Variants in NFIB observed in about 807,000 individuals in gnomAD.
NFIB encodes the protein nuclear factor 1 B-type.
In NFIB, 11 loss-of-function variants were observed where a neutral mutation model predicts 61.5. That is an observed-to-expected ratio of 0.18 (90% CI 0.11 to 0.30). The LOEUF is 0.30. Among genes scored for constraint, NFIB ranks in the 10% least tolerant of loss-of-function variants. The pLI, the probability that NFIB is intolerant of heterozygous loss-of-function variation, is 1.00. For synonymous variants in NFIB, 260 were observed against 216.5 expected, an observed-to-expected ratio of 1.20 and a Z score of -1.76; for missense variants, 471 against 608.9, an observed-to-expected ratio of 0.77 and a Z score of 2.38.
At chr9:14,242,940 T>A (rs1327930353) in intron 2 of NFIB, among the ~76,000 whole-genome samples, 1 of 152,250 alleles carries the variant, frequency 6.6e-6, no homozygotes, top group East Asian at 1.9e-4. Flanking sequence ...AACATATGCC[T>A]ATGCATTTTA....
At chr9:14,185,840 A>G (rs987012081) in intron 2 of NFIB, among the ~76,000 whole-genome samples, 1 of 152,202 alleles carries the variant, frequency 6.6e-6, no homozygotes, top group African/African-American at 2.4e-5. Flanking sequence ...AACTTCCTGA[A>G]GAAATATTTG....
At chr9:14,286,838 A>G (rs887314355) in intron 2 of NFIB, among the ~76,000 whole-genome samples, 1 of 152,212 alleles carries the variant, frequency 6.6e-6, no homozygotes, top group Non-Finnish European at 1.5e-5. Context: ...TAAAGGGGCA[A>G]ACTGAGAAAG....
chr9:14,512,239 G>C, the NFIB span, among the ~76,000 whole-genome samples: 1 of 152,070 alleles, frequency 6.6e-6, no homozygotes, highest in Non-Finnish European at 1.5e-5. Context: ...TCAAACCCCA[G>C]GTACATGTAG....
At position 14,155,819 on chromosome 9, in the gene NFIB, A is replaced by G. The variant is rs763511552; in HGVS notation, c.685+6T>C. 1.3e-6 allele frequency: 2 copies of G among 1,544,886 alleles called. No homozygotes were observed. Among genetic ancestry groups the G allele is most frequent in the Non-Finnish European group, 1.8e-6 (2 of 1,133,048 alleles). On this transcript the variant is annotated splice_donor_region_variant and intron_variant, in intron 4 of 10. Coordinates refer to ENST00000380953, the MANE Select transcript of NFIB (RefSeq NM_001190737.2). ...TGCTTAAGTAGTAACAAAACAATTT[A>G]CTTACTTCTGGATACTCTTACAAGT...
chr9:14,267,400 A>T (rs1205774439), intron 2 of NFIB, among the ~76,000 whole-genome samples: 3 of 152,226 alleles, frequency 2.0e-5, no homozygotes, highest in Admixed American at 2.0e-4. Flanking sequence ...CCCTGAGGTT[A>T]TCTCAATAAA....
intron 10 of NFIB, chr9:14,102,477 C>T (rs1394058254): frequency 3.9e-6 from 6 of 1,550,252 alleles, no homozygotes; most frequent in Admixed American, 2.0e-5. Context: ...AAATGCCTGC[C>T]GTTTTGATTC....
intron 1 of NFIB, among the ~76,000 whole-genome samples, chr9:14,337,153 C>G (rs2060895085): frequency 6.6e-6 from 1 of 152,060 alleles, no homozygotes; most frequent in South Asian, 2.1e-4. Flanking sequence ...TGGCTGCTAC[C>G]CTAGGGAGAC....
At chr9:14,198,390 T>C (rs536529806) in intron 2 of NFIB, among the ~76,000 whole-genome samples, 1 of 152,260 alleles carries the variant, frequency 6.6e-6, no homozygotes, top group Non-Finnish European at 1.5e-5. Context: ...AAGTTTCTTA[T>C]GTTAACAGGT....
At chr9:14,200,358 A>G (rs1051511001) in intron 2 of NFIB, among the ~76,000 whole-genome samples, 2 of 152,084 alleles carry the variant, frequency 1.3e-5, no homozygotes, top group East Asian at 1.9e-4. Flanking sequence ...GCAACCCAGG[A>G]CCCCAGAATC....
At chr9:14,106,411 C>T (rs1298196816) in intron 10 of NFIB, among the ~76,000 whole-genome samples, 1 of 152,016 alleles carries the variant, frequency 6.6e-6, no homozygotes, top group Non-Finnish European at 1.5e-5. Flanking sequence ...GTAAGATTAT[C>T]TTCCAAAAAA....
chr9:14,490,258 TGTTA>T, the NFIB span, among the ~76,000 whole-genome samples: 2 of 152,180 alleles, frequency 1.3e-5, no homozygotes, highest in Non-Finnish European at 2.9e-5. Flanking sequence ...GAGGAACTTT[TGTTA>T]GTTCTGGGAT....
rs576892710 is a variant in NFIB at position 14,203,305 on chromosome 9, C to T, written c.563-23525G>A. Among the ~76,000 whole-genome samples, 9 of 152,236 alleles carry T rather than the reference C, an allele frequency of 5.9e-5. No individual in the cohort carries two copies. In the South Asian group the frequency reaches 1.9e-3, roughly 32 times the overall value. On this transcript the variant is annotated intron_variant, in intron 2 of 10. Coordinates refer to ENST00000380953, the MANE Select transcript of NFIB (RefSeq NM_001190737.2). ...ATGGATGGAAAACCCCTCAAAAAAG[C>T]CCCTCAAATCTGTGTTTCATAAACT... is the stretch of plus-strand genomic sequence containing the variant.
At chr9:14,504,803 C>T in the NFIB span, among the ~76,000 whole-genome samples, 1 of 152,098 alleles carries the variant, frequency 6.6e-6, no homozygotes, top group African/African-American at 2.4e-5. Flanking sequence ...TTCCTCTATA[C>T]TGATTTGGAT....
the NFIB span, among the ~76,000 whole-genome samples, chr9:14,465,566 A>G: frequency 8.7e-6 from 1 of 114,490 alleles, no homozygotes; most frequent in Non-Finnish European, 1.7e-5. Context: ...GAATGAAATG[A>G]CTTGTTACAC....
chr9:14,505,329 T>A, the NFIB span, among the ~76,000 whole-genome samples: 1 of 152,168 alleles, frequency 6.6e-6, no homozygotes, highest in African/African-American at 2.4e-5. Flanking sequence ...TTTTGTTATG[T>A]CCTTCCCTGG....
Position 14,313,384 on chromosome 9 carries a change from T to C in NFIB, c.30+98A>G, listed in dbSNP as rs2060384092. On this transcript the variant is annotated intron_variant, in intron 1 of 10. Coordinates refer to ENST00000380953, the MANE Select transcript of NFIB (RefSeq NM_001190737.2). The surrounding 1 kb of genome is among the most constrained non-coding windows in gnomAD (Gnocchi z 4.5). ...GCCACTTCTCCAAGGGACGGGGATG[T>C]GCGGAGGTTAACTCAAGCCGCTAAT... 6.4e-7 allele frequency: 1 copy of C among 1,556,406 alleles called. No homozygotes were observed. The highest frequency in any genetic ancestry group is 2.3e-5 in the East Asian group (1 of 44,142).
chr9:14,306,737 T>C (rs973335755), intron 2 of NFIB, among the ~76,000 whole-genome samples: 2 of 152,232 alleles, frequency 1.3e-5, no homozygotes, highest in African/African-American at 4.8e-5. Flanking sequence ...ATTTTAAAGA[T>C]ACTTGAAAAC....
intron 10 of NFIB, among the ~76,000 whole-genome samples, chr9:14,097,849 AC>A (rs1177987997): frequency 8.1e-6 from 1 of 122,888 alleles, no homozygotes; most frequent in Non-Finnish European, 1.8e-5. Flanking sequence ...ACCCCCCCAC[AC>A]TTTTTTTTTC....
intron 10 of NFIB, among the ~76,000 whole-genome samples, chr9:14,106,527 G>T (rs2036583750): frequency 6.6e-6 from 1 of 151,988 alleles, no homozygotes; most frequent in Admixed American, 6.6e-5. Flanking sequence ...GTGGTCTCTG[G>T]AAAGAGAACC....
Sources: gnomAD v4.1 joint callset for allele counts (sites outside exome capture counted in the v4.1 genomes callset) on GRCh38, gnomAD v4.1.1 for gene constraint, Gnocchi (gnomAD v3.1) non-coding constraint, MANE v1.5 for transcripts, NCBI Gene and HGNC (gene_info 2026-07-23, HGNC 2026-07-21) for gene names.